The following PTPRG variants were observed in gnomAD, a reference collection of about 807,000 sequenced individuals.
The protein encoded by PTPRG is protein tyrosine phosphatase receptor type G, also known as receptor-type tyrosine-protein phosphatase gamma.
A neutral mutation model predicts 165.3 loss-of-function variants in PTPRG; 102 were observed. The ratio of observed to expected loss-of-function variants is 0.62; its 90% CI spans 0.53 to 0.73. The LOEUF (loss-of-function observed/expected upper bound fraction) is 0.73, where lower values mean the gene tolerates loss of function less well. PTPRG is among the 30% of genes least tolerant of loss of function. The pLI is 0.00. For synonymous variants in PTPRG, 675 were observed against 669.5 expected (o/e 1.01, Z -0.13); for missense variants, 1,866 against 1,861.4 (o/e 1.00, Z -0.05).
chr3:61,987,468 TTAG>T (rs2040789297), intron 2 of PTPRG, among the ~76,000 whole-genome samples: 1 of 152,216 alleles, frequency 6.6e-6, no homozygotes, highest in African/African-American at 2.4e-5. Context: ...TTTTAAATTG[TTAG>T]TAGTAGGAGG....
At chr3:61,698,256 A>G (rs1299098464) in intron 1 of PTPRG, among the ~76,000 whole-genome samples, 1 of 152,204 alleles carries the variant, frequency 6.6e-6, no homozygotes, top group Non-Finnish European at 1.5e-5. Context: ...TCCATGGCAC[A>G]TAAGAGATAG....
chr3:62,281,538 C>CGTTTT, intron 26 of PTPRG, 25 bp from the exon 27 acceptor site: 1 of 620,526 alleles, frequency 1.6e-6, no homozygotes, highest in Non-Finnish European at 2.1e-6. Flanking sequence ...ACTGCAGAGG[C>CGTTTT]TTTTTTTTTT....
intron 1 of PTPRG, among the ~76,000 whole-genome samples, chr3:61,728,167 T>A (rs2032338838): frequency 6.6e-6 from 1 of 152,178 alleles, no homozygotes; most frequent in Admixed American, 6.5e-5. Context: ...CCCATATGAT[T>A]TACTTTCTTC....
chr3:61,807,054 G>A (rs1389694015), intron 2 of PTPRG, among the ~76,000 whole-genome samples: 1 of 152,166 alleles, frequency 6.6e-6, no homozygotes, highest in African/African-American at 2.4e-5. Flanking sequence ...TCACATGGAC[G>A]GAGAGGACAA....
chr3:61,585,289 A>AC, intron 1 of PTPRG, among the ~76,000 whole-genome samples: 1 of 151,810 alleles, frequency 6.6e-6, no homozygotes. Flanking sequence ...TCAAAAAAAA[A>AC]AAAAAAAAAG....
At chr3:61,921,531 T>C (rs1286437344) in intron 2 of PTPRG, among the ~76,000 whole-genome samples, 1 of 152,194 alleles carries the variant, frequency 6.6e-6, no homozygotes, top group Non-Finnish European at 1.5e-5. Flanking sequence ...CATGACTTCA[T>C]GTGACGAGTT....
chr3:62,186,337 C>A (rs73098561), intron 8 of PTPRG, among the ~76,000 whole-genome samples: 1 of 151,982 alleles, frequency 6.6e-6, no homozygotes, highest in Non-Finnish European at 1.5e-5. Flanking sequence ...CTCATTCCGT[C>A]AGAGAAACGC....
At chr3:61,937,114 A>G (rs1455237810) in intron 2 of PTPRG, among the ~76,000 whole-genome samples, 2 of 152,190 alleles carry the variant, frequency 1.3e-5, no homozygotes, top group Non-Finnish European at 2.9e-5. Context: ...GATGAGATGT[A>G]GCATCAAAGG....
At chr3:61,737,430 A>C (rs1442109389) in intron 1 of PTPRG, among the ~76,000 whole-genome samples, 3 of 152,078 alleles carry the variant, frequency 2.0e-5, no homozygotes, top group Non-Finnish European at 4.4e-5. Context: ...AATCTTACCA[A>C]ACTTCCTAGA....
At chr3:62,163,176 C>G (rs549603830) in intron 7 of PTPRG, among the ~76,000 whole-genome samples, 3 of 152,288 alleles carry the variant, frequency 2.0e-5, no homozygotes, top group Admixed American at 2.0e-4. Context: ...CACCAGGCCC[C>G]TCCTCCAGCA....
At chr3:61,775,341 G>T (rs2034343005) in intron 2 of PTPRG, among the ~76,000 whole-genome samples, 1 of 152,100 alleles carries the variant, frequency 6.6e-6, no homozygotes, top group Admixed American at 6.5e-5. Flanking sequence ...AAAGTGCTGG[G>T]ATTATAGGCA....
chr3:61,988,944 A>G (rs1478132245), intron 2 of PTPRG, among the ~76,000 whole-genome samples: 2 of 152,188 alleles, frequency 1.3e-5, no homozygotes, highest in Non-Finnish European at 1.5e-5. Context: ...TTTCTGTGGC[A>G]TATGTCCCCC....
intron 3 of PTPRG, among the ~76,000 whole-genome samples, chr3:61,997,694 A>G (rs1308127559): frequency 6.6e-6 from 1 of 152,186 alleles, no homozygotes; most frequent in East Asian, 1.9e-4. Flanking sequence ...TAAGTTCCAT[A>G]AGGGCAAGAG....
intron 16 of PTPRG, chr3:62,261,174 A>C (rs2148856694): frequency 6.6e-6 from 1 of 152,372 alleles, no homozygotes; most frequent in South Asian, 2.1e-4. Context: ...TCTCAGCATA[A>C]GATACCTGAA....
chr3:61,624,219 G>A (rs765179827), intron 1 of PTPRG, among the ~76,000 whole-genome samples: 2 of 151,990 alleles, frequency 1.3e-5, no homozygotes, highest in African/African-American at 2.4e-5. Context: ...GCTGCGAACC[G>A]GAGCAAGCTT....
At chr3:62,050,856 C>A (rs1001933766) in intron 4 of PTPRG, among the ~76,000 whole-genome samples, 1 of 152,134 alleles carries the variant, frequency 6.6e-6, no homozygotes, top group African/African-American at 2.4e-5. Flanking sequence ...ATCCTACATC[C>A]CTCTAGGTTC....
At chr3:61,581,614 T>C (rs1416641363) in intron 1 of PTPRG, among the ~76,000 whole-genome samples, 4 of 145,732 alleles carry the variant, frequency 2.7e-5, no homozygotes, top group East Asian at 2.2e-4. Flanking sequence ...TTTTTCTTTT[T>C]TTTTTTTTTT....
chr3:61,885,361 T>C (rs1423724522), intron 2 of PTPRG, among the ~76,000 whole-genome samples: 1 of 152,028 alleles, frequency 6.6e-6, no homozygotes, highest in Non-Finnish European at 1.5e-5. Flanking sequence ...GAGGCAAAAA[T>C]GATTATCCAT....
chr3:61,933,607 T>G (rs546042242), intron 2 of PTPRG, among the ~76,000 whole-genome samples: 2 of 152,340 alleles, frequency 1.3e-5, no homozygotes, highest in South Asian at 4.1e-4. Flanking sequence ...CATGCTTTAC[T>G]TGGTAGCAAT....
Sources: allele counts gnomAD v4.1 joint callset (sites outside exome capture counted in the v4.1 genomes callset), GRCh38; gene constraint gnomAD v4.1.1; transcripts MANE v1.5; gene names NCBI Gene and HGNC (gene_info 2026-07-23, HGNC 2026-07-21).